The following SCML4 variants were observed in gnomAD, a reference collection of about 807,000 sequenced individuals.
SCML4 encodes sex comb on midleg-like protein 4.
In SCML4, 34 loss-of-function variants were observed where a neutral mutation model predicts 41.1. The observed-to-expected ratio is 0.83, with a 90% confidence interval of 0.63 to 1.10. The LOEUF (loss-of-function observed/expected upper bound fraction) is 1.10, where lower values mean the gene tolerates loss of function less well. Ranked by LOEUF, SCML4 falls within the 50% of genes least tolerant of loss-of-function variation. The pLI, the probability that SCML4 is intolerant of heterozygous loss-of-function variation, is 0.00. For missense variants in SCML4, 522 were observed against 534.1 expected, an observed-to-expected ratio of 0.98 and a Z score of 0.22; for synonymous variants, 214 against 220.9, an observed-to-expected ratio of 0.97 and a Z score of 0.28.
the SCML4 span, among the ~76,000 whole-genome samples, chr6:107,838,552 C>G: frequency 6.6e-6 from 1 of 152,158 alleles, no homozygotes; most frequent in Non-Finnish European, 1.5e-5. Context: ...ATAGGGCAGT[C>G]AGTAGAAGTG....
At chr6:107,766,932 A>G (rs1351830165) in intron 2 of SCML4, among the ~76,000 whole-genome samples, 1 of 148,888 alleles carries the variant, frequency 6.7e-6, no homozygotes, top group African/African-American at 2.5e-5. Flanking sequence ...CACTCTTCCC[A>G]TCTGTACTAT....
At position 107,707,999 on chromosome 6, in the gene SCML4, G is replaced by A. The variant is rs1773848167; in HGVS notation, c.986C>T (p.Ser329Phe). The A allele has an allele frequency of 3.9e-6, 6 of 1,550,918 alleles. No individual in the cohort carries two copies. In the East Asian group the frequency reaches 1.5e-4, roughly 38 times the overall value. ...LEGNRCASSP[S>F]QDAQDARRPR... ...CCGCCTGGCATCCTGCGCATCCTGAGAAGGGCTTGAGGCTGGATGGGGCAC... is the reference window on the plus strand; with the variant it reads ...CCGCCTGGCATCCTGCGCATCCTGAAAAGGGCTTGAGGCTGGATGGGGCAC... Residue 329 changes from serine to phenylalanine, a missense_variant, in exon 7 of 8, where the codon TCT becomes TTT. Physicochemically the swap from Ser to Phe is radical, Grantham distance 155 (BLOSUM62 -2). Transcript: ENST00000369020.
At chr6:107,801,851 G>A (rs1360034860) in intron 1 of SCML4, among the ~76,000 whole-genome samples, 3 of 150,912 alleles carry the variant, frequency 2.0e-5, no homozygotes, top group Admixed American at 6.6e-5. Context: ...CACAACCTCC[G>A]CCTCCCAGGT....
intron 7 of SCML4, among the ~76,000 whole-genome samples, chr6:107,706,855 T>C (rs1041109104): frequency 6.6e-6 from 1 of 152,060 alleles, no homozygotes; most frequent in African/African-American, 2.4e-5. Context: ...CAAGGACTGA[T>C]GGTGGATCTA....
intron 6 of SCML4, chr6:107,718,485 G>A (rs1385198749): frequency 6.6e-6 from 1 of 152,314 alleles, no homozygotes; most frequent in Non-Finnish European, 1.5e-5. Flanking sequence ...ATACACAGGA[G>A]AACAAAGGGC....
At chr6:107,820,162 AC>A (rs1416585662) in intron 1 of SCML4, among the ~76,000 whole-genome samples, 2 of 152,146 alleles carry the variant, frequency 1.3e-5, no homozygotes, top group African/African-American at 4.8e-5. Flanking sequence ...AAGCCTTGTC[AC>A]CGGTATTCAG....
At chr6:107,733,742 T>C (rs1030180836) in intron 5 of SCML4, among the ~76,000 whole-genome samples, 33 of 152,244 alleles carry the variant, frequency 2.2e-4, no homozygotes, top group African/African-American at 7.7e-4. Flanking sequence ...CCACCAGTCC[T>C]TGTGCTTCCA....
At chr6:107,748,756 A>G (rs1778353793) in intron 3 of SCML4, among the ~76,000 whole-genome samples, 1 of 152,202 alleles carries the variant, frequency 6.6e-6, no homozygotes, top group African/African-American at 2.4e-5. Flanking sequence ...ATGTGAGACC[A>G]TGTGAAACTG....
At chr6:107,772,433 G>T (rs1003599703) in intron 1 of SCML4, 47 bp from the exon 2 acceptor site, 269 of 1,146,122 alleles carry the variant, frequency 2.3e-4, no homozygotes, top group Non-Finnish European at 3.2e-4. Context: ...AGAAGGGTTT[G>T]TTTGGTTTGC....
upstream of SCML4, among the ~76,000 whole-genome samples, chr6:107,824,536 T>C (rs1172325954): frequency 1.6e-5 from 2 of 126,752 alleles, no homozygotes; most frequent in African/African-American, 4.2e-5. Context: ...TCCTTCCTCT[T>C]AGCAGCCTAA....
chr6:107,731,816 C>G lies in SCML4; in HGVS notation c.683-10823G>C, dbSNP rs17068695. On this transcript the variant is annotated intron_variant, in intron 5 of 7. Transcript: ENST00000369020. The stretch of plus-strand genomic sequence containing the variant: ...TTGTAGAGCTGTGGAGCAGCTACCC[C>G]TCTTTGCTTAGCCAGGTGCCATCAC... Among the ~76,000 whole-genome samples the G allele has an allele frequency of 9.2e-3, 1,408 of 152,348 alleles. 18 individuals carry two copies. The highest frequency in any genetic ancestry group is 0.032 in the African/African-American group (1,344 of 41,576).
At chr6:107,720,642 C>G (rs1307690693) in intron 6 of SCML4, 61 bp downstream of exon 6, 6 of 1,457,836 alleles carry the variant, frequency 4.1e-6, no homozygotes, top group Non-Finnish European at 4.5e-6. Flanking sequence ...AGATGCTGTG[C>G]TCCCCGCGCA....
intron 1 of SCML4, among the ~76,000 whole-genome samples, chr6:107,805,780 C>CT (rs1322911799): frequency 2.0e-5 from 3 of 152,166 alleles, no homozygotes; most frequent in Non-Finnish European, 2.9e-5. Flanking sequence ...CACAAAGCAG[C>CT]TGTAATACTG....
At chr6:107,829,642 G>T in the SCML4 span, among the ~76,000 whole-genome samples, 1 of 152,058 alleles carries the variant, frequency 6.6e-6, no homozygotes, top group East Asian at 1.9e-4. Flanking sequence ...TGCGTGCGGG[G>T]CTTAAAACCT....
intron 5 of SCML4, chr6:107,731,904 C>T: frequency 6.5e-6 from 1 of 152,686 alleles, no homozygotes; most frequent in Non-Finnish European, 1.5e-5. Context: ...GCGCAGGAAG[C>T]AGTAGCAGGT....
chr6:107,810,469 T>G (rs1402030712), intron 1 of SCML4, among the ~76,000 whole-genome samples: 1 of 151,980 alleles, frequency 6.6e-6, no homozygotes, highest in African/African-American at 2.4e-5. Flanking sequence ...AAGGAAGAGA[T>G]AGGTGGAGAT....
At chr6:107,838,237 G>A in the SCML4 span, among the ~76,000 whole-genome samples, 20 of 152,140 alleles carry the variant, frequency 1.3e-4, no homozygotes, top group African/African-American at 4.6e-4. Context: ...GGATAGTAGG[G>A]GCTTCCTTAA....
intron 2 of SCML4, among the ~76,000 whole-genome samples, chr6:107,753,086 C>A (rs1387845659): frequency 6.6e-6 from 1 of 151,992 alleles, no homozygotes; most frequent in African/African-American, 2.4e-5. Context: ...TTTTGCCCCA[C>A]AATGCGATAC....
At chr6:107,800,923 C>T (rs1783070878) in intron 1 of SCML4, among the ~76,000 whole-genome samples, 1 of 152,182 alleles carries the variant, frequency 6.6e-6, no homozygotes, top group Non-Finnish European at 1.5e-5. Flanking sequence ...GCAAGTGCTC[C>T]CCAATATCAG....
Sources: allele counts gnomAD v4.1 joint callset (sites outside exome capture counted in the v4.1 genomes callset), GRCh38; gene constraint gnomAD v4.1.1; transcripts MANE v1.5; gene names NCBI Gene and HGNC (gene_info 2026-07-23, HGNC 2026-07-21).